KIF7: variants seen among roughly 807,000 people sequenced by gnomAD.
KIF7 encodes kinesin family member 7.
KIF7 carries 104 observed loss-of-function variants against 135.7 expected under a neutral mutation model. That is an observed-to-expected ratio of 0.77 (90% CI 0.65 to 0.90). The LOEUF (loss-of-function observed/expected upper bound fraction) is 0.90, where lower values mean the gene tolerates loss of function less well. Among genes scored for constraint, KIF7 ranks in the 40% least tolerant of loss-of-function variants. The pLI is 0.00. For synonymous variants in KIF7, 883 were observed against 809.4 expected (o/e 1.09, Z -1.54); for missense variants, 2,005 against 1,839.1 (o/e 1.09, Z -1.65).
At chr15:89,631,789 G>A (rs1043694931) in intron 14 of KIF7, 79 bp from the exon 15 acceptor site, 34 of 1,275,154 alleles carry the variant, frequency 2.7e-5, no homozygotes, top group Non-Finnish European at 3.4e-5. Flanking sequence ...CGGATGTTAA[G>A]GAGGACTTGC....
intron 6 of KIF7, 114 bp from the exon 7 acceptor site, chr15:89,647,171 A>G: frequency 1.1e-6 from 1 of 896,226 alleles, no homozygotes. Flanking sequence ...GAAAATGAGG[A>G]GTGTCAAATA....
Position 89,646,878 on chromosome 15 carries a change from C to T in KIF7, c.1740G>A (p.Pro580=), listed in dbSNP as rs200473560. 5.6e-5 allele frequency: 91 copies of T among 1,614,062 alleles called. No homozygotes were observed. The highest frequency in any genetic ancestry group is 2.2e-4 in the Admixed American group (13 of 60,008). The change falls in exon 7 of 19, where the codon CCG becomes CCA. Residue 580 remains proline (P), a synonymous_variant. Coordinates refer to ENST00000394412, the MANE Select transcript of KIF7 (RefSeq NM_198525.3). Reference sequence around the variant, plus strand: ...CTTCATCTCCAGGGAGGCAGGCAGGCGGCACCATGCCCAGCACATGGGCGT... The same window carrying T: ...CTTCATCTCCAGGGAGGCAGGCAGGTGGCACCATGCCCAGCACATGGGCGT... ...GAHAHVLGMV[P]PACLPGDEVG...
chr15:89,619,226 T>TTTTA lies in KIF7; in HGVS notation c.181-1032_181-1031insTAAA, dbSNP rs1337731831. Among the ~76,000 whole-genome samples, 783 of 144,332 alleles carry TTTTA rather than the reference T, an allele frequency of 5.4e-3. 16 individuals are homozygous for TTTTA. The highest frequency in any genetic ancestry group is 0.02 in the African/African-American group (762 of 38,932). 94.7% of individuals were successfully genotyped at this position (144,332 alleles called of 152,430 possible). On this transcript the variant is annotated intron_variant and NMD_transcript_variant, in intron 1 of 2. Coordinates refer to the KIF7 transcript ENST00000558928. ...TTTCGCCCTACACCATTCTTCTTTT[T>TTTTA]TTTTTTTTTTTTTTGGTGAGACAGA...
chr15:89,625,467 G>A, downstream of KIF7: 2 of 1,613,956 alleles, frequency 1.2e-6, no homozygotes, highest in Non-Finnish European at 1.7e-6. Flanking sequence ...TTGAGTCAGA[G>A]GGCAAGGACC....
rs1325517056 is a variant in KIF7, at chr15:89,649,193, A to G, written c.704T>C (p.Leu235Pro). The change falls in exon 4 of 19, where the codon CTA becomes CCA. Residue 235 changes from leucine (L) to proline (P), a missense_variant. Transcript: ENST00000394412. ...CAGCTGGCCCGGGGCGGGGCGGGGT[A>G]GGCGGCTGGGGGCGCGCCCCCGCTG... The part of the protein sequence containing the change: ...LEQRGRAPSR[L>P]PRPAPGQLLV... 2 of 1,546,344 alleles carry G rather than the reference A, an allele frequency of 1.3e-6. No homozygotes were observed. The highest frequency in any genetic ancestry group is 4.9e-5 in the East Asian group (2 of 40,844).
chr15:89,658,134 C>T (rs1964225127), upstream of KIF7, among the ~76,000 whole-genome samples: 1 of 152,162 alleles, frequency 6.6e-6, no homozygotes, highest in Non-Finnish European at 1.5e-5. Context: ...TCTTAAGCTT[C>T]CTGCAGTATA....
chr15:89,650,264 C>G (rs1403912184), intron 2 of KIF7, among the ~76,000 whole-genome samples: 3 of 152,250 alleles, frequency 2.0e-5, no homozygotes, highest in Non-Finnish European at 2.9e-5. Context: ...GCTCAGTTAT[C>G]TAAAGGGCCT....
upstream of KIF7, among the ~76,000 whole-genome samples, chr15:89,659,069 T>A (rs957229439): frequency 6.6e-6 from 1 of 151,172 alleles, no homozygotes; most frequent in Non-Finnish European, 1.5e-5. Flanking sequence ...AGGGAAAGAG[T>A]GGTAATTGGG....
chr15:89,644,645 A>G (rs894916250), intron 10 of KIF7, among the ~76,000 whole-genome samples: 1 of 152,182 alleles, frequency 6.6e-6, no homozygotes, highest in African/African-American at 2.4e-5. Context: ...AGATCACGCC[A>G]CTGCACTCCA....
At chr15:89,635,197 CA>C (rs1394827973) in intron 11 of KIF7, among the ~76,000 whole-genome samples, 1 of 152,048 alleles carries the variant, frequency 6.6e-6, no homozygotes, top group Non-Finnish European at 1.5e-5. Context: ...CATCAAAGAC[CA>C]AAAGTAGATA....
rs746943281 is a variant in KIF7, at chr15:89,631,719, A to G, written c.2896-9T>C. 2.3e-5 allele frequency: 35 copies of G among 1,548,378 alleles called. No homozygotes were observed. The highest frequency in any genetic ancestry group is 3.3e-4 in the Middle Eastern group (2 of 5,996). ...ATGTCCTCGTTGAGGGCCTGGGGGC[A>G]GAATCACCAGGGATTAGAGAAGGAA... On this transcript the variant is annotated splice_polypyrimidine_tract_variant and intron_variant, in intron 14 of 18. Coordinates refer to ENST00000394412, the MANE Select transcript of KIF7 (RefSeq NM_198525.3).
downstream of KIF7, chr15:89,627,105 C>A (rs560490827): frequency 1.9e-6 from 3 of 1,613,510 alleles, no homozygotes; most frequent in South Asian, 3.3e-5. Flanking sequence ...ATTACTGAGC[C>A]CAAAAGATCA....
upstream of KIF7, among the ~76,000 whole-genome samples, chr15:89,655,641 A>G (rs1433305736): frequency 1.3e-5 from 2 of 152,016 alleles, no homozygotes; most frequent in South Asian, 2.1e-4. Flanking sequence ...CAGCATCCTC[A>G]TGATGGCATC....
chr15:89,642,760 G>A (rs987618920), intron 10 of KIF7, among the ~76,000 whole-genome samples: 2 of 152,024 alleles, frequency 1.3e-5, no homozygotes, highest in Admixed American at 1.3e-4. Context: ...GTAGAGATTG[G>A]GTTTTGCCAT....
chr15:89,640,490 C>G (rs554679946), intron 11 of KIF7, among the ~76,000 whole-genome samples: 1 of 151,920 alleles, frequency 6.6e-6, no homozygotes, highest in Non-Finnish European at 1.5e-5. Flanking sequence ...ACTTGACCAA[C>G]GACACATAGC....
At chr15:89,618,937 G>A (rs1358954727) in intron 1 of KIF7, among the ~76,000 whole-genome samples, 7 of 152,172 alleles carry the variant, frequency 4.6e-5, no homozygotes, top group African/African-American at 1.2e-4. Context: ...CCAGCCTAGC[G>A]ACAGAGCAAG....
chr15:89,651,909 C>T lies in KIF7; in HGVS notation c.328+694G>A, dbSNP rs187511063. On this transcript the variant is annotated intron_variant, in intron 2 of 18. Coordinates refer to ENST00000394412, the MANE Select transcript of KIF7 (RefSeq NM_198525.3). Reference sequence around the variant, plus strand: ...AGCTGAGAGAGACCCCTTCTGTGTACTACCATGTGAGTTTAGAGAGAGACA... The same window carrying T: ...AGCTGAGAGAGACCCCTTCTGTGTATTACCATGTGAGTTTAGAGAGAGACA... Among the ~76,000 whole-genome samples, 19 of 152,280 alleles carry T rather than the reference C, an allele frequency of 1.2e-4. No individual in the cohort carries two copies. The East Asian group carries it at 2.5e-3, about 20-fold the overall frequency.
intron 1 of KIF7, among the ~76,000 whole-genome samples, chr15:89,622,424 G>A (rs546499267): frequency 1.3e-5 from 2 of 152,236 alleles, no homozygotes; most frequent in East Asian, 3.9e-4. Flanking sequence ...TGATCTTTCT[G>A]AAACATTCCT....
rs750567055 is a variant in KIF7, at chr15:89,646,984, C to T, written c.1634G>A (p.Trp545Ter). 2 of 1,613,114 alleles carry T rather than the reference C, an allele frequency of 1.2e-6. No individual in the cohort carries two copies. Among genetic ancestry groups the T allele is most frequent in the Non-Finnish European group, 8.5e-7 (1 of 1,179,722 alleles). Residue 545 changes from tryptophan (W) to a stop codon, truncating the protein, a stop_gained, in exon 7 of 19, where the codon TGG (tryptophan) becomes TAG (stop). Coordinates refer to ENST00000394412, the MANE Select transcript of KIF7 (RefSeq NM_198525.3). LOFTEE classifies it high-confidence loss of function. ...RLRLELVRPG[W>*]GGPRLLNGLP... Reference sequence around the variant, plus strand: ...GCCATTCAGGAGCCGCGGGCCCCCCCAGCCTGGCCGCACCAGCTCTAACCG... The same window carrying T: ...GCCATTCAGGAGCCGCGGGCCCCCCTAGCCTGGCCGCACCAGCTCTAACCG...
Sources: allele counts gnomAD v4.1 joint callset (sites outside exome capture counted in the v4.1 genomes callset), GRCh38; gene constraint gnomAD v4.1.1; transcripts MANE v1.5; gene names NCBI Gene and HGNC (gene_info 2026-07-23, HGNC 2026-07-21).